The following ZNF250 variants were observed in gnomAD, a reference collection of about 807,000 sequenced individuals.
The protein encoded by ZNF250 is zinc finger protein (clone 647).
In ZNF250, 13 loss-of-function variants were observed where a neutral mutation model predicts 37.1. That is an observed-to-expected ratio of 0.35 (90% CI 0.23 to 0.56). ZNF250 has a LOEUF of 0.56. ZNF250 is among the 20% of genes least tolerant of loss of function. The pLI, the probability that ZNF250 is intolerant of heterozygous loss-of-function variation, is 0.87. For synonymous variants in ZNF250, 251 were observed against 265.6 expected (o/e 0.94, Z 0.54); for missense variants, 474 against 697.9 (o/e 0.68, Z 3.61).
In ZNF250 at chr8:144,881,434, CAG is replaced by C. The variant is rs898298526; in HGVS notation, c.*79_*80del. The C allele has an allele frequency of 2.8e-5, 41 of 1,485,538 alleles. No individual in the cohort carries two copies. Among genetic ancestry groups the C allele is most frequent in the Non-Finnish European group, 3.3e-5 (37 of 1,117,540 alleles). 92.0% of individuals were successfully genotyped at this position (1,485,538 alleles called of 1,614,324 possible). On this transcript the variant is annotated 3_prime_UTR_variant, in exon 6 of 6. Transcript: ENST00000417550. Reference sequence around the variant, plus strand: ...AAAGAAAAGCTTCCTATAGAGTTAACAGAGACTTCTCTTGGGCTGAAGGCTGC... The same window carrying C: ...AAAGAAAAGCTTCCTATAGAGTTAACAGACTTCTCTTGGGCTGAAGGCTGC...
rs117934819 is a variant in ZNF250, at chr8:144,891,443, C to T, written c.-54-1040G>A. ...ATAAAACATCAGATATAGGTGGGCG[C>T]GGTGGCTCATACCTGTAATCTCAGC... is the stretch of plus-strand genomic sequence containing the variant. On this transcript the variant is annotated intron_variant, in intron 1 of 5. Coordinates refer to ENST00000417550, the MANE Select transcript of ZNF250 (RefSeq NM_001109689.4). This position sits in a 1 kb window ranked among gnomAD's most constrained non-coding sequence, Gnocchi z 4.0. 0.023 allele frequency among the ~76,000 whole-genome samples: 3,550 copies of T among 152,206 alleles called. 74 individuals carry two copies. Among genetic ancestry groups the T allele is most frequent in the Admixed American group, 0.075 (1,150 of 15,286 alleles).
In ZNF250 at chr8:144,882,644, G is replaced by C. The variant is rs564664801; in HGVS notation, c.539C>G (p.Pro180Arg). ...REVQVLSQSMPLTPHQAVPSG... is the reference protein window; with the variant it reads ...REVQVLSQSMRLTPHQAVPSG... ...AGGCACTGCCTGGTGCGGAGTGAGT[G>C]GCATGCTTTGGCTTAAGACCTGAAC... The change falls in exon 6 of 6, where the codon CCA becomes CGA. Residue 180 changes from proline (P) to arginine (R), a missense_variant. By Grantham distance (103) the Pro-to-Arg change is moderately radical. This residue lies in a region of ZNF250 where 192 missense variants were observed against 227.5 expected (regional missense o/e 0.84). Transcript: ENST00000417550. This position sits in a 1 kb window ranked among gnomAD's most constrained non-coding sequence, Gnocchi z 5.5. 1 of 1,613,982 alleles carries C rather than the reference G, an allele frequency of 6.2e-7. No individual in the cohort carries two copies. The highest frequency in any genetic ancestry group is 8.5e-7 in the Non-Finnish European group (1 of 1,179,890).
chr8:144,893,417 G>A (rs369381487), intron 1 of ZNF250, among the ~76,000 whole-genome samples: 49 of 152,208 alleles, frequency 3.2e-4, no homozygotes, highest in East Asian at 2.7e-3. Flanking sequence ...TGCAACCTCC[G>A]TCTCCCAGGC....
At chr8:144,894,497 A>G (rs1169694871) in intron 1 of ZNF250, among the ~76,000 whole-genome samples, 2 of 151,942 alleles carry the variant, frequency 1.3e-5, no homozygotes, top group African/African-American at 2.4e-5. Flanking sequence ...CACCCACCGC[A>G]GCAGCCCTGG....
chr8:144,895,092 G>A (rs1202161291), intron 1 of ZNF250: 1 of 152,168 alleles, frequency 6.6e-6, no homozygotes, highest in African/African-American at 2.4e-5. Context: ...TCTTAAGAAG[G>A]CGACCTAGCA....
intron 3 of ZNF250, 98 bp from the exon 4 acceptor site, chr8:144,889,792 ATCT>A (rs1434617543): frequency 2.7e-6 from 4 of 1,460,956 alleles, no homozygotes. Flanking sequence ...GACAGGACTG[ATCT>A]TCTGCTGGAG....
Position 144,890,203 on chromosome 8 carries a change from A to G in ZNF250, c.42+105T>C, listed in dbSNP as rs769466562. The stretch of plus-strand genomic sequence containing the variant: ...GTGATGGGAAGGGGCCGCGGAGTTC[A>G]GGGCATGTGGTGACGCTCTGGCTGC... On this transcript the variant is annotated intron_variant, in intron 2 of 5. Coordinates refer to ENST00000417550, the MANE Select transcript of ZNF250 (RefSeq NM_001109689.4). This position sits in a 1 kb window ranked among gnomAD's most constrained non-coding sequence, Gnocchi z 5.1. 8.0e-6 allele frequency: 12 copies of G among 1,498,628 alleles called. No homozygotes were observed. The East Asian group carries it at 2.7e-4, about 33-fold the overall frequency. 92.8% of individuals were successfully genotyped at this position (1,498,628 alleles called of 1,614,324 possible). A position where few individuals can be genotyped will look rare whatever the true frequency, so the allele number is the denominator to read the frequency against.
chr8:144,881,353 C>T lies in ZNF250; in HGVS notation c.*162G>A. The T allele has an allele frequency of 1.9e-6, 2 of 1,077,770 alleles. No homozygotes were observed. Among genetic ancestry groups the T allele is most frequent in the South Asian group, 2.3e-5 (1 of 43,656 alleles). The allele number at this position is 1,077,770 out of a possible 1,614,324, so 66.8% of individuals were successfully genotyped here. A position where few individuals can be genotyped will look rare whatever the true frequency, so the allele number is the denominator to read the frequency against. ...ACAGGTAGTCTCTGAAGTTTTTCCA[C>T]AGGAACAGCACGCTAAGTGCTTCTT... On this transcript the variant is annotated 3_prime_UTR_variant, in exon 6 of 6. Transcript: ENST00000417550.
At chr8:144,896,008 C>CAAAAAAAAAAA (rs1183288137) in intron 1 of ZNF250, among the ~76,000 whole-genome samples, 3 of 64,912 alleles carry the variant, frequency 4.6e-5, no homozygotes, top group East Asian at 5.2e-4. Context: ...GACTCTGTCT[C>CAAAAAAAAAAA]AAAAAAAAAA....
chr8:144,895,968 C>T (rs1357674374), intron 1 of ZNF250, among the ~76,000 whole-genome samples: 1 of 144,836 alleles, frequency 6.9e-6, no homozygotes, highest in Admixed American at 7.0e-5. Flanking sequence ...AAGATTGTGC[C>T]ACTGCACTCC....
At chr8:144,888,595 C>CAAAA (rs36073563) in intron 4 of ZNF250, among the ~76,000 whole-genome samples, 3 of 54,646 alleles carry the variant, frequency 5.5e-5, no homozygotes, top group African/African-American at 1.1e-4. Context: ...AAGACTGTCT[C>CAAAA]AAAAAAAAAA....
rs1831406589 is a variant in ZNF250, at chr8:144,880,652, C to G, written c.*863G>C. The G allele has an allele frequency of 8.3e-6, 3 of 360,448 alleles. No individual in the cohort carries two copies. Among genetic ancestry groups the G allele is most frequent in the South Asian group, 6.1e-5 (3 of 49,130 alleles). 22.3% of individuals were successfully genotyped at this position (360,448 alleles called of 1,614,324 possible). ...GCAAAGGTGGGAGGATCACTTGAGG[C>G]CAGGAGTTCGAGACCAGCCTGGCCA... On this transcript the variant is annotated 3_prime_UTR_variant, in exon 6 of 6. Coordinates refer to ENST00000417550, the MANE Select transcript of ZNF250 (RefSeq NM_001109689.4).
chr8:144,891,530 A>G lies in ZNF250; in HGVS notation c.-54-1127T>C, dbSNP rs1832335832. 6.6e-6 allele frequency among the ~76,000 whole-genome samples: 1 copy of G among 152,182 alleles called. No homozygotes were observed. Among genetic ancestry groups the G allele is most frequent in the Non-Finnish European group, 1.5e-5 (1 of 68,040 alleles). On this transcript the variant is annotated intron_variant, in intron 1 of 5. Coordinates refer to ENST00000417550, the MANE Select transcript of ZNF250 (RefSeq NM_001109689.4). This position sits in a 1 kb window ranked among gnomAD's most constrained non-coding sequence, Gnocchi z 4.0. ...CAGGAGTTTGAGACCAGCCTGGCCA[A>G]CATGGTGAAACCCCGTCTCTACTAA...
At chr8:144,884,143 TTA>T (rs1465213117) in intron 5 of ZNF250, among the ~76,000 whole-genome samples, 81 of 152,380 alleles carry the variant, frequency 5.3e-4, no homozygotes, top group African/African-American at 1.9e-3. Context: ...CCCGTCAGCA[TTA>T]TGTTTTTGAG....
intron 4 of ZNF250, among the ~76,000 whole-genome samples, chr8:144,889,213 A>T (rs186269982): frequency 9.2e-5 from 14 of 152,216 alleles, no homozygotes; most frequent in African/African-American, 3.1e-4. Context: ...TCCTTTCCAC[A>T]TTTAGGATGC....
chr8:144,888,315 G>A (rs1490774853), intron 4 of ZNF250, among the ~76,000 whole-genome samples: 1 of 152,024 alleles, frequency 6.6e-6, no homozygotes, highest in Non-Finnish European at 1.5e-5. Context: ...AAACATTTCT[G>A]GCCAGGTGCA....
In ZNF250 at chr8:144,881,302, A is replaced by G; in HGVS notation, c.*213T>C. The G allele has an allele frequency of 1.7e-6, 1 of 574,500 alleles. No homozygotes were observed. Among genetic ancestry groups the G allele is most frequent in the Non-Finnish European group, 2.8e-6 (1 of 360,408 alleles). The allele number at this position is 574,500 out of a possible 1,614,324, so 35.6% of individuals were successfully genotyped here. ...CAATTGTATGATTACTCTCCAACATAACTTCAAGATGTTGAGGAAAATAAA... is the reference window on the plus strand; with the variant it reads ...CAATTGTATGATTACTCTCCAACATGACTTCAAGATGTTGAGGAAAATAAA... On this transcript the variant is annotated 3_prime_UTR_variant, in exon 6 of 6. Coordinates refer to ENST00000417550, the MANE Select transcript of ZNF250 (RefSeq NM_001109689.4).
chr8:144,886,288 C>T (rs977990630), intron 5 of ZNF250, among the ~76,000 whole-genome samples: 2 of 151,860 alleles, frequency 1.3e-5, no homozygotes, highest in Non-Finnish European at 2.9e-5. Context: ...TTGGGCAACA[C>T]AGCAAGACTC....
At chr8:144,889,374 A>C (rs911326706) in intron 4 of ZNF250, among the ~76,000 whole-genome samples, 3 of 152,204 alleles carry the variant, frequency 2.0e-5, no homozygotes, top group African/African-American at 7.2e-5. Context: ...GCTTGTTGAA[A>C]TTCACTGCTA....
Sources: allele counts gnomAD v4.1 joint callset (sites outside exome capture counted in the v4.1 genomes callset), GRCh38; gene constraint gnomAD v4.1.1; regional missense constraint gnomAD v4.1.1; non-coding constraint Gnocchi (gnomAD v3.1); transcripts MANE v1.5; gene names NCBI Gene and HGNC (gene_info 2026-07-23, HGNC 2026-07-21).